Variants in ALKBH7 observed in about 807,000 individuals in gnomAD.
ALKBH7 encodes the protein RNA demethylase ALKBH7, mitochondrial.
Under a neutral mutation model 19.3 loss-of-function variants are expected in ALKBH7, and 21 were observed. The ratio of observed to expected loss-of-function variants is 1.09; its 90% CI spans 0.77 to 1.56. The LOEUF is 1.56. Among genes scored for constraint, ALKBH7 ranks in the 40% most tolerant of loss-of-function variants. The pLI, the probability that ALKBH7 is intolerant of heterozygous loss-of-function variation, is 0.00. For missense variants in ALKBH7, 354 were observed against 311.4 expected, an observed-to-expected ratio of 1.14 and a Z score of -1.03; for synonymous variants, 147 against 139.5, an observed-to-expected ratio of 1.05 and a Z score of -0.38.
chr19:6,373,227 T>TACGGTGCTGGGGTTGTGGGGCC (rs2091900530), intron 1 of ALKBH7, among the ~76,000 whole-genome samples: 6 of 74,364 alleles, frequency 8.1e-5, no homozygotes, highest in Non-Finnish European at 1.4e-4. Context: ...GGGGCGGGGC[T>TACGGTGCTGGGGTTGTGGGGCC]ACGGTGCTGG....
rs1394715643 is a variant in ALKBH7, at chr19:6,373,569, CAT to C, written c.204+546_204+547del. 2.8e-6 allele frequency: 3 copies of C among 1,068,076 alleles called. No individual in the cohort carries two copies. In the African/African-American group the frequency reaches 5.4e-5, roughly 19 times the overall value. The allele number at this position is 1,068,076 out of a possible 1,614,324, so 66.2% of individuals were successfully genotyped here. On this transcript the variant is annotated intron_variant, in intron 1 of 3. Coordinates refer to ENST00000245812, the MANE Select transcript of ALKBH7 (RefSeq NM_032306.4). ...TGGGGCGTGGTCAGGTCGTCGAGCG[CAT>C]GGATGGGGCGGGGCCAAGCTTGGGG... is the stretch of plus-strand genomic sequence containing the variant.
rs758986386 is a variant in ALKBH7 at position 6,374,527 on chromosome 19, C to T, written c.441C>T (p.His147=). 7 of 1,614,050 alleles carry T rather than the reference C, an allele frequency of 4.3e-6. No homozygotes were observed. Among genetic ancestry groups the T allele is most frequent in the Non-Finnish European group, 5.9e-6 (7 of 1,179,974 alleles). The change falls in exon 3 of 4, where the codon CAC becomes CAT. Residue 147 remains histidine (H), a synonymous_variant. Coordinates refer to ENST00000245812, the MANE Select transcript of ALKBH7 (RefSeq NM_032306.4). ...LLSPSVMRLV[H]TQEPGEWLEL... ...CTCCCAGCGTTATGCGGCTGGTGCA[C>T]ACCCAGGAGCCGGGGGAGTGGCTGG...
Position 6,372,966 on chromosome 19 carries a change from G to A in ALKBH7, c.146G>A (p.Ser49Asn). Residue 49 changes from serine to asparagine, a missense_variant, in exon 1 of 4, where the codon AGC becomes AAC. By Grantham distance (46) the Ser-to-Asn change is conservative (BLOSUM62 1). Coordinates refer to ENST00000245812, the MANE Select transcript of ALKBH7 (RefSeq NM_032306.4). ...FLSTAEEETL[S>N]RELEPELRRR... ...AGCACGGCAGAGGAGGAGACGCTGAGCCGAGAACTGGAGCCCGAGCTGCGC... is the reference window on the plus strand; with the variant it reads ...AGCACGGCAGAGGAGGAGACGCTGAACCGAGAACTGGAGCCCGAGCTGCGC... 6.3e-7 allele frequency: 1 copy of A among 1,576,750 alleles called. No homozygotes were observed. Among genetic ancestry groups the A allele is most frequent in the Non-Finnish European group, 8.6e-7 (1 of 1,164,132 alleles).
Position 6,374,897 on chromosome 19 carries a change from G to C in ALKBH7, c.590G>C (p.Arg197Pro). ...GAACGCCGGATTCCCCGGGGCCGGC[G>C]CATCTCCGTGATCTGCCGCTCCCTC... is the stretch of plus-strand genomic sequence containing the variant. ...FGERRIPRGR[R>P]ISVICRSLPE... is the part of the protein sequence containing the mutation. Residue 197 changes from arginine to proline, a missense_variant, in exon 4 of 4, where the codon CGC becomes CCC. Physicochemically the swap from Arg to Pro is moderately radical, Grantham distance 103 (BLOSUM62 -2). Transcript: ENST00000245812. 6.2e-7 allele frequency: 1 copy of C among 1,614,032 alleles called. No homozygotes were observed. Among genetic ancestry groups the C allele is most frequent in the Non-Finnish European group, 8.5e-7 (1 of 1,179,960 alleles).
In ALKBH7 at chr19:6,372,881, T is replaced by A; in HGVS notation, c.61T>A (p.Ser21Thr). Residue 21 changes from serine (S) to threonine (T), a missense_variant, in exon 1 of 4, where the codon TCG becomes ACG. Physicochemically the swap from Ser to Thr is moderately conservative, Grantham distance 58. Coordinates refer to ENST00000245812, the MANE Select transcript of ALKBH7 (RefSeq NM_032306.4). The stretch of plus-strand genomic sequence containing the variant: ...GCCAGGGCCCAGCTGGGTGCGAGGC[T>A]CGGGCCCTTCCGTGCTGAGCCGCCT... ...TLPGPSWVRGSGPSVLSRLQD... is the reference protein window; with the variant it reads ...TLPGPSWVRGTGPSVLSRLQD... 6.4e-7 allele frequency: 1 copy of A among 1,550,560 alleles called. No individual in the cohort carries two copies. Among genetic ancestry groups the A allele is most frequent in the Non-Finnish European group, 8.7e-7 (1 of 1,150,796 alleles).
intron 1 of ALKBH7, 152 bp downstream of exon 1, chr19:6,373,176 G>C (rs942503731): frequency 9.0e-7 from 1 of 1,111,446 alleles, no homozygotes; most frequent in Non-Finnish European, 1.2e-6. Flanking sequence ...CCGGGACCGG[G>C]CAGGGCCACA....
chr19:6,373,737 G>C (rs988234750), intron 1 of ALKBH7: 1 of 1,261,946 alleles, frequency 7.9e-7, no homozygotes, highest in Non-Finnish European at 9.9e-7. Context: ...GGGCCTTTTT[G>C]GGGTCGGTAG....
At chr19:6,373,860 C>G in intron 1 of ALKBH7, 1 of 1,309,254 alleles carries the variant, frequency 7.6e-7, no homozygotes, top group South Asian at 2.4e-5. Flanking sequence ...AGCACTTTTG[C>G]GACCTGGGAC....
chr19:6,374,501 T>C lies in ALKBH7; in HGVS notation c.415T>C (p.Ser139Pro). 1 of 1,613,948 alleles carries C rather than the reference T, an allele frequency of 6.2e-7. No individual in the cohort carries two copies. Among genetic ancestry groups the C allele is most frequent in the Non-Finnish European group, 8.5e-7 (1 of 1,179,948 alleles). Residue 139 changes from serine (S) to proline (P), a missense_variant, in exon 3 of 4, where the codon TCT becomes CCT. Ser to Pro is a moderately conservative substitution (Grantham distance 74). Coordinates refer to ENST00000245812, the MANE Select transcript of ALKBH7 (RefSeq NM_032306.4). ...CACCATCGCCGGCCTGTCTCTCCTGTCTCCCAGCGTTATGCGGCTGGTGCA... is the reference window on the plus strand; with the variant it reads ...CACCATCGCCGGCCTGTCTCTCCTGCCTCCCAGCGTTATGCGGCTGGTGCA... ...GATIAGLSLLSPSVMRLVHTQ... is the reference protein window; with the variant it reads ...GATIAGLSLLPPSVMRLVHTQ...
In ALKBH7 at chr19:6,373,021, C is replaced by T. The variant is rs1276456571; in HGVS notation, c.201C>T (p.Asp67=). The T allele has an allele frequency of 2.6e-6, 4 of 1,565,114 alleles. No homozygotes were observed. The Admixed American group carries it at 7.5e-5, about 29-fold the overall frequency. ...GCCGCTACGAATACGATCACTGGGA[C>T]GCGGTGAGACCGGCAGCGCCGGGGG... is the stretch of plus-strand genomic sequence containing the variant. ...RRRRYEYDHW[D]AAIHGFRETE... Residue 67 remains aspartate (D), a synonymous_variant, in exon 1 of 4, where the codon GAC becomes GAT. Transcript: ENST00000245812.
Position 6,374,148 on chromosome 19 carries a change from T to TCA in ALKBH7, c.205-54_205-53dup. The stretch of plus-strand genomic sequence containing the variant: ...TTGCCGTTTTCTGCCCCTCCTTGCC[T>TCA]CAGTTTCCTTGTTCCCTCTGGGAGC... On this transcript the variant is annotated intron_variant, in intron 1 of 3. Transcript: ENST00000245812. The TCA allele has an allele frequency of 2.5e-6, 4 of 1,588,250 alleles. No individual in the cohort carries two copies. The South Asian group carries it at 3.4e-5, about 14-fold the overall frequency.
chr19:6,373,056 G>A, intron 1 of ALKBH7, 32 bp downstream of exon 1: 1 of 1,535,732 alleles, frequency 6.5e-7, no homozygotes, highest in South Asian at 1.2e-5. Flanking sequence ...GCGAGGGACG[G>A]GGGCTCGTCG....
chr19:6,375,118 G>T lies in ALKBH7; in HGVS notation c.*145G>T. On this transcript the variant is annotated 3_prime_UTR_variant, in exon 4 of 4. Transcript: ENST00000245812. ...TGGCCCATAGGGAGCTCCAGGTGTG[G>T]CTGGCTGGACACATGGTCAAAGTCA... The T allele has an allele frequency of 7.6e-7, 1 of 1,321,152 alleles. No homozygotes were observed. Among genetic ancestry groups the T allele is most frequent in the South Asian group, 1.6e-5 (1 of 62,688 alleles). The allele number at this position is 1,321,152 out of a possible 1,614,324, so 81.8% of individuals were successfully genotyped here. A position where few individuals can be genotyped will look rare whatever the true frequency, so the allele number is the denominator to read the frequency against.
chr19:6,374,987 A>G lies in ALKBH7; in HGVS notation c.*14A>G, dbSNP rs1381681594. On this transcript the variant is annotated 3_prime_UTR_variant, in exon 4 of 4. Coordinates refer to ENST00000245812, the MANE Select transcript of ALKBH7 (RefSeq NM_032306.4). Reference sequence around the variant, plus strand: ...CCAGCCTGCTGACCCCCAGCTTTCTACAGACACCAGATTTGTGAATAAAGT... The same window carrying G: ...CCAGCCTGCTGACCCCCAGCTTTCTGCAGACACCAGATTTGTGAATAAAGT... 6.3e-7 allele frequency: 1 copy of G among 1,578,630 alleles called. No individual in the cohort carries two copies. The highest frequency in any genetic ancestry group is 8.6e-7 in the Non-Finnish European group (1 of 1,160,380).
At chr19:6,374,722 G>A in intron 3 of ALKBH7, 89 bp from the exon 4 acceptor site, 1 of 1,595,726 alleles carries the variant, frequency 6.3e-7, no homozygotes, top group African/African-American at 1.3e-5. Context: ...AGGCAGCAGG[G>A]GGCTGGAATC....
At chr19:6,374,093 G>T in intron 1 of ALKBH7, 110 bp from the exon 2 acceptor site, 1 of 1,563,296 alleles carries the variant, frequency 6.4e-7, no homozygotes, top group Non-Finnish European at 8.6e-7. Context: ...TTGAGGGCAG[G>T]GTCAAGAGTC....
At chr19:6,374,786 A>G (rs907931454) in intron 3 of ALKBH7, 25 bp from the exon 4 acceptor site, 2 of 1,602,794 alleles carry the variant, frequency 1.2e-6, no homozygotes, top group Non-Finnish European at 1.7e-6. Context: ...CCTTGCACCC[A>G]GTCACAGCCT....
In ALKBH7 at chr19:6,373,661, G is replaced by C. The variant is rs998943677; in HGVS notation, c.205-542G>C. On this transcript the variant is annotated intron_variant, in intron 1 of 3. Transcript: ENST00000245812. The stretch of plus-strand genomic sequence containing the variant: ...ATGCTGTGGGGGGGACGGGGAAGTC[G>C]AGGTTTAGAGAGGGCAGAACCACGC... 4.0e-6 allele frequency: 5 copies of C among 1,243,300 alleles called. 1 individual carries two copies. The allele number at this position is 1,243,300 out of a possible 1,614,324, so 77.0% of individuals were successfully genotyped here. A position where few individuals can be genotyped will look rare whatever the true frequency, so the allele number is the denominator to read the frequency against.
chr19:6,375,224 C>G lies in ALKBH7; in HGVS notation c.*251C>G, dbSNP rs530299281. On this transcript the variant is annotated 3_prime_UTR_variant, in exon 4 of 4. Coordinates refer to ENST00000245812, the MANE Select transcript of ALKBH7 (RefSeq NM_032306.4). Reference sequence around the variant, plus strand: ...CTCCCCTCCTCGTTGTCTCTGCATCCAGGTCTCCAATAAATAAGTCAGCCG... The same window carrying G: ...CTCCCCTCCTCGTTGTCTCTGCATCGAGGTCTCCAATAAATAAGTCAGCCG... 8.7e-6 allele frequency: 12 copies of G among 1,380,372 alleles called. No homozygotes were observed. In the East Asian group the frequency reaches 3.1e-4, roughly 36 times the overall value. 85.5% of individuals were successfully genotyped at this position (1,380,372 alleles called of 1,614,324 possible).
Sources: gnomAD v4.1 joint callset for allele counts (sites outside exome capture counted in the v4.1 genomes callset) on GRCh38, gnomAD v4.1.1 for gene constraint, MANE v1.5 for transcripts, NCBI Gene and HGNC (gene_info 2026-07-23, HGNC 2026-07-21) for gene names.